Variants in FOXI3 observed in about 807,000 individuals in gnomAD.
The protein encoded by FOXI3 is forkhead box I3.
Under a neutral mutation model 15.6 loss-of-function variants are expected in FOXI3, and 4 were observed. The ratio of observed to expected loss-of-function variants is 0.26; its 90% CI spans 0.13 to 0.59. The LOEUF is 0.59. FOXI3 is among the 20% of genes least tolerant of loss of function. The pLI is 0.90. For missense variants in FOXI3, 489 were observed against 548.2 expected (o/e 0.89, Z 1.08); for synonymous variants, 238 against 244.4 (o/e 0.97, Z 0.25).
In FOXI3 at chr2:88,448,679, C is replaced by T. The variant is rs867009294; in HGVS notation, c.791G>A (p.Gly264Glu). The change falls in exon 2 of 2, where the codon GGA becomes GAA. Residue 264 changes from glycine (G) to glutamate (E), a missense_variant. Transcript: ENST00000428390. ...TSKSEEGLSS[G>E]LGSGVGGKPE... The stretch of plus-strand genomic sequence containing the variant: ...CTTCCCACCCACTCCAGACCCCAAT[C>T]CTGAGGAGAGCCCTTCTTCGGACTT... 6.4e-7 allele frequency: 1 copy of T among 1,551,850 alleles called. No individual in the cohort carries two copies. Among genetic ancestry groups the T allele is most frequent in the East Asian group, 2.4e-5 (1 of 40,918 alleles).
At chr2:88,451,700 G>GA (rs1676048927) in intron 1 of FOXI3, among the ~76,000 whole-genome samples, 196 bp downstream of exon 1, 1 of 152,202 alleles carries the variant, frequency 6.6e-6, no homozygotes, top group Non-Finnish European at 1.5e-5. Context: ...CTTTCTCACT[G>GA]AGTCTTCCTT....
intron 1 of FOXI3, among the ~76,000 whole-genome samples, chr2:88,451,200 C>T (rs1298125496): frequency 6.6e-6 from 1 of 152,210 alleles, no homozygotes; most frequent in Admixed American, 6.5e-5. Flanking sequence ...CACTGTAACA[C>T]AGACCTCCTC....
chr2:88,448,777 A>G lies in FOXI3; in HGVS notation c.693T>C (p.Asn231=). The G allele has an allele frequency of 1.3e-6, 2 of 1,551,696 alleles. No individual in the cohort carries two copies. The highest frequency in any genetic ancestry group is 1.4e-5 in the African/African-American group (1 of 73,134). Residue 231 remains asparagine (N), a synonymous_variant, in exon 2 of 2, where the codon AAT becomes AAC. Transcript: ENST00000428390. ...LDPNCEKMFD[N]GNFRRKRKRR... ...GCTTTCGCTTCCGACGGAAGTTCCC[A>G]TTGTCAAACATTTTCTCGCAGTTCG...
In FOXI3 at chr2:88,452,594, C is replaced by A. The variant is rs1479991269; in HGVS notation, c.-59G>T. 3 of 1,018,466 alleles carry A rather than the reference C, an allele frequency of 2.9e-6. No homozygotes were observed. The highest frequency in any genetic ancestry group is 3.6e-6 in the Non-Finnish European group (3 of 843,826). The allele number at this position is 1,018,466 out of a possible 1,614,324, so 63.1% of individuals were successfully genotyped here. ...GGCGAGGGGCGAGCGGGGCTGGTCT[C>A]GCCGCTCGGGCGAGAGCATCCCTTT... is the stretch of plus-strand genomic sequence containing the variant. On this transcript the variant is annotated 5_prime_UTR_variant, in exon 1 of 2. Transcript: ENST00000428390.
chr2:88,449,434 C>T (rs746233951), intron 1 of FOXI3, among the ~76,000 whole-genome samples: 1 of 152,148 alleles, frequency 6.6e-6, no homozygotes, highest in Non-Finnish European at 1.5e-5. Flanking sequence ...CAGACAAAGG[C>T]AATTTCAAAA....
At chr2:88,451,216 A>C (rs1184902027) in intron 1 of FOXI3, among the ~76,000 whole-genome samples, 1 of 152,204 alleles carries the variant, frequency 6.6e-6, no homozygotes, top group African/African-American at 2.4e-5. Context: ...TCCTCACTCC[A>C]GGAGCAATTG....
chr2:88,451,978 C>T lies in FOXI3; in HGVS notation c.558G>A (p.Lys186=), dbSNP rs928743377. ...ADSFPFYQRS[K]AGWQNSIRHN... is the part of the protein sequence containing the mutation. Reference sequence around the variant, plus strand: ...GGCGGATGGAGTTCTGCCAGCCGGCCTTGCTGCGCTGGTAGAAGGGGAAGC... The same window carrying T: ...GGCGGATGGAGTTCTGCCAGCCGGCTTTGCTGCGCTGGTAGAAGGGGAAGC... The change falls in exon 1 of 2, where the codon AAG becomes AAA. Residue 186 remains lysine, a synonymous_variant. Transcript: ENST00000428390. 14 of 1,612,582 alleles carry T rather than the reference C, an allele frequency of 8.7e-6. No homozygotes were observed. Among genetic ancestry groups the T allele is most frequent in the Non-Finnish European group, 1.1e-5 (13 of 1,179,364 alleles).
chr2:88,452,438 G>A lies in FOXI3; in HGVS notation c.98C>T (p.Ala33Val). The change falls in exon 1 of 2, where the codon GCC becomes GTC. Residue 33 changes from alanine to valine, a missense_variant. Physicochemically the swap from Ala to Val is moderately conservative, Grantham distance 64. Around this residue, in one of 3 missense-constraint regions of FOXI3, gnomAD observed 224 missense variants for 245.7 expected, o/e 0.91. Transcript: ENST00000428390. Reference protein sequence around the residue: ...TAAAPGAPPAARAPYGLADYA... With the variant: ...TAAAPGAPPAVRAPYGLADYA... The stretch of plus-strand genomic sequence containing the variant: ...GTCGGCCAGCCCGTAAGGCGCCCTG[G>A]CTGCCGGGGGGGCGCCCGGGGCGGC... 1 of 1,038,192 alleles carries A rather than the reference G, an allele frequency of 9.6e-7. No homozygotes were observed. Among genetic ancestry groups the A allele is most frequent in the Non-Finnish European group, 1.2e-6 (1 of 866,350 alleles). 64.3% of individuals were successfully genotyped at this position (1,038,192 alleles called of 1,614,324 possible). A position where few individuals can be genotyped will look rare whatever the true frequency, so the allele number is the denominator to read the frequency against.
chr2:88,450,320 C>T (rs1452322553), intron 1 of FOXI3, among the ~76,000 whole-genome samples: 2 of 151,272 alleles, frequency 1.3e-5, no homozygotes, highest in Admixed American at 1.3e-4. Flanking sequence ...GTCCCAGCTA[C>T]TTGGGAGGCT....
At position 88,447,134 on chromosome 2, in the gene FOXI3, A is replaced by ACAAT. The variant is rs1675950121; in HGVS notation, c.*1069_*1072dup. The ACAAT allele has an allele frequency of 6.6e-6, 1 of 152,230 alleles. No homozygotes were observed. Among genetic ancestry groups the ACAAT allele is most frequent in the Non-Finnish European group, 1.5e-5 (1 of 68,046 alleles). 9.4% of individuals were successfully genotyped at this position (152,230 alleles called of 1,614,324 possible). ...CTTACATGGAAAATGGGGGGTAGTAACAATACCCACCACCCAAGGTTTCTG... is the reference window on the plus strand; with the variant it reads ...CTTACATGGAAAATGGGGGGTAGTAACAATCAATACCCACCACCCAAGGTTTCTG... On this transcript the variant is annotated 3_prime_UTR_variant, in exon 2 of 2. Coordinates refer to ENST00000428390, the MANE Select transcript of FOXI3 (RefSeq NM_001135649.3).
chr2:88,448,881 T>TACTC, intron 1 of FOXI3, 52 bp from the exon 2 acceptor site: 2 of 1,487,120 alleles, frequency 1.3e-6, no homozygotes, highest in Non-Finnish European at 1.8e-6. Flanking sequence ...AATGCCTGTG[T>TACTC]ACTCAGCTTC....
chr2:88,451,906 C>T lies in FOXI3; in HGVS notation c.630G>A (p.Glu210=). Residue 210 remains glutamate, a synonymous_variant, in exon 1 of 2, where the codon GAG becomes GAA. Coordinates refer to ENST00000428390, the MANE Select transcript of FOXI3 (RefSeq NM_001135649.3). ...NDCFKKVPRD[E]DDPGKGNYWT... ...GCCAGCGGCCCTCACCTGGGTCGTC[C>T]TCGTCGCGGGGCACCTTCTTGAAGC... 2 of 1,613,362 alleles carry T rather than the reference C, an allele frequency of 1.2e-6. No homozygotes were observed. The highest frequency in any genetic ancestry group is 1.7e-6 in the Non-Finnish European group (2 of 1,179,674).
At chr2:88,451,615 C>A (rs1676047001) in intron 1 of FOXI3, among the ~76,000 whole-genome samples, 2 of 152,254 alleles carry the variant, frequency 1.3e-5, no homozygotes, top group South Asian at 4.1e-4. Flanking sequence ...GGGTAGCCTT[C>A]TGTTCTGGGA....
In FOXI3 at chr2:88,452,417, G is replaced by C. The variant is rs1318915062; in HGVS notation, c.119C>G (p.Ala40Gly). The change falls in exon 1 of 2, where the codon GCC becomes GGC. Residue 40 changes from alanine to glycine, a missense_variant. By Grantham distance (60) the Ala-to-Gly change is moderately conservative. Transcript: ENST00000428390. ...GGCGGCCGGCGGCGCGGCGTAGTCG[G>C]CCAGCCCGTAAGGCGCCCTGGCTGC... ...PPAARAPYGL[A>G]DYAAPPAAAA... 2.0e-5 allele frequency: 20 copies of C among 1,010,764 alleles called. No individual in the cohort carries two copies. The highest frequency in any genetic ancestry group is 2.4e-5 in the Non-Finnish European group (20 of 848,566). The allele number at this position is 1,010,764 out of a possible 1,614,324, so 62.6% of individuals were successfully genotyped here.
At position 88,448,672 on chromosome 2, in the gene FOXI3, C is replaced by T. The variant is rs1230131068; in HGVS notation, c.798G>A (p.Gly266=). ...CTTCTGGCTTCCCACCCACTCCAGA[C>T]CCCAATCCTGAGGAGAGCCCTTCTT... The part of the protein sequence containing the change: ...KSEEGLSSGL[G]SGVGGKPEEE... Residue 266 remains glycine, a synonymous_variant, in exon 2 of 2, where the codon GGG becomes GGA. Transcript: ENST00000428390. 4 of 1,551,744 alleles carry T rather than the reference C, an allele frequency of 2.6e-6. No individual in the cohort carries two copies. Among genetic ancestry groups the T allele is most frequent in the Admixed American group, 2.0e-5 (1 of 50,994 alleles).
intron 1 of FOXI3, among the ~76,000 whole-genome samples, chr2:88,451,262 A>G (rs1263911988): frequency 6.6e-6 from 1 of 152,166 alleles, no homozygotes; most frequent in African/African-American, 2.4e-5. Flanking sequence ...TGGGATATTC[A>G]TTTCTAAATT....
chr2:88,452,469 T>A lies in FOXI3; in HGVS notation c.67A>T (p.Thr23Ser). The change falls in exon 1 of 2, where the codon ACC (threonine) becomes TCC (serine). Residue 23 changes from threonine (T) to serine (S), a missense_variant. Transcript: ENST00000428390. ...GGGGGGGCGCCCGGGGCGGCGGCGG[T>A]GGCGGCGGGCGGGGGCAGGCCGGGC... ...SQPGLPPPAA[T>S]AAAPGAPPAA... 1 of 1,060,684 alleles carries A rather than the reference T, an allele frequency of 9.4e-7. No homozygotes were observed. Among genetic ancestry groups the A allele is most frequent in the Non-Finnish European group, 1.1e-6 (1 of 881,964 alleles). 65.7% of individuals were successfully genotyped at this position (1,060,684 alleles called of 1,614,324 possible). A position where few individuals can be genotyped will look rare whatever the true frequency, so the allele number is the denominator to read the frequency against.
Position 88,448,108 on chromosome 2 carries a change from G to C in FOXI3, c.*99C>G, listed in dbSNP as rs1675968693. 1 of 1,101,332 alleles carries C rather than the reference G, an allele frequency of 9.1e-7. No homozygotes were observed. The highest frequency in any genetic ancestry group is 2.6e-5 in the East Asian group (1 of 38,618). The allele number at this position is 1,101,332 out of a possible 1,614,324, so 68.2% of individuals were successfully genotyped here. ...CACCCAGGAACTCGACAGAAACGCA[G>C]AACTCAGGTCCTACCCCAGACCTAC... On this transcript the variant is annotated 3_prime_UTR_variant, in exon 2 of 2. Coordinates refer to ENST00000428390, the MANE Select transcript of FOXI3 (RefSeq NM_001135649.3).
In FOXI3 at chr2:88,448,252, G is replaced by C. The variant is rs1423802775; in HGVS notation, c.1218C>G (p.Ser406Arg). 1 of 1,551,524 alleles carries C rather than the reference G, an allele frequency of 6.4e-7. No individual in the cohort carries two copies. The highest frequency in any genetic ancestry group is 1.4e-5 in the African/African-American group (1 of 73,024). Residue 406 changes from serine (S) to arginine (R), a missense_variant, in exon 2 of 2, where the codon AGC (serine) becomes AGG (arginine). Transcript: ENST00000428390. ...GGGGGTAGATGAGGCTGTTCACCAT[G>C]CTAAAGTTGTGGAAAGGGCTGCTGA... is the stretch of plus-strand genomic sequence containing the variant. Reference protein sequence around the residue: ...SPFSSPFHNFSMVNSLIYPRE... With the variant: ...SPFSSPFHNFRMVNSLIYPRE...
Sources: gnomAD v4.1 joint callset for allele counts (sites outside exome capture counted in the v4.1 genomes callset) on GRCh38, gnomAD v4.1.1 for gene constraint, gnomAD v4.1.1 regional missense constraint, MANE v1.5 for transcripts, NCBI Gene and HGNC (gene_info 2026-07-23, HGNC 2026-07-21) for gene names.